GPM6A: variants seen among roughly 807,000 people sequenced by gnomAD.
GPM6A encodes glycoprotein M6A.
In GPM6A, 7 loss-of-function variants were observed where a neutral mutation model predicts 32.1. That is an observed-to-expected ratio of 0.22 (90% CI 0.12 to 0.41). The LOEUF (loss-of-function observed/expected upper bound fraction) is 0.41. Ranked by LOEUF, GPM6A falls within the 10% of genes least tolerant of loss-of-function variation. GPM6A has a pLI of 1.00. For missense variants in GPM6A, 235 were observed against 347.2 expected (o/e 0.68, Z 2.57); for synonymous variants, 130 against 123.4 (o/e 1.05, Z -0.35).
chr4:175,683,023 C>A (rs1247360595), intron 2 of GPM6A, among the ~76,000 whole-genome samples: 3 of 152,200 alleles, frequency 2.0e-5, no homozygotes, highest in Non-Finnish European at 4.4e-5. Context: ...TGGTAGCTTG[C>A]ACTCTGTGCC....
At chr4:175,743,278 A>T (rs1283086099) in intron 1 of GPM6A, among the ~76,000 whole-genome samples, 1 of 152,126 alleles carries the variant, frequency 6.6e-6, no homozygotes, top group African/African-American at 2.4e-5. Context: ...AGACAGAGTT[A>T]AAGTAGTGTA....
At chr4:175,644,399 T>C (rs1741335774) in intron 4 of GPM6A, among the ~76,000 whole-genome samples, 1 of 152,040 alleles carries the variant, frequency 6.6e-6, no homozygotes. Flanking sequence ...CTAACATCAT[T>C]ACTGAACCTC....
intron 3 of GPM6A, among the ~76,000 whole-genome samples, chr4:175,661,976 A>G (rs1244525350): frequency 6.6e-6 from 1 of 152,198 alleles, no homozygotes; most frequent in African/African-American, 2.4e-5. Context: ...TGGCACATTC[A>G]ATAGAAATAA....
chr4:175,900,333 GAAA>G (rs1737922359), intron 1 of GPM6A, among the ~76,000 whole-genome samples: 6 of 140,938 alleles, frequency 4.3e-5, no homozygotes, highest in Non-Finnish European at 7.7e-5. Flanking sequence ...GAAAGGAAAG[GAAA>G]GGAAAGGAAA....
At chr4:175,848,619 T>C (rs1736160445) in intron 1 of GPM6A, among the ~76,000 whole-genome samples, 1 of 152,176 alleles carries the variant, frequency 6.6e-6, no homozygotes, top group Admixed American at 6.6e-5. Flanking sequence ...TAACTGGTAA[T>C]TTTGGAAAAT....
chr4:175,862,878 G>T (rs570053341), intron 1 of GPM6A, among the ~76,000 whole-genome samples: 1 of 151,972 alleles, frequency 6.6e-6, no homozygotes, highest in Admixed American at 6.6e-5. Flanking sequence ...TTGCGAATAG[G>T]GTCATCTCAG....
chr4:175,815,908 G>T (rs569192384), upstream of GPM6A, among the ~76,000 whole-genome samples: 1 of 151,974 alleles, frequency 6.6e-6, no homozygotes, highest in African/African-American at 2.4e-5. Flanking sequence ...GCAGAGACGG[G>T]GTTTCTCCAT....
chr4:175,651,279 T>C (rs73875104), intron 4 of GPM6A, among the ~76,000 whole-genome samples: 7,289 of 152,156 alleles, frequency 0.048, 198 homozygotes, highest in Non-Finnish European at 0.061. Context: ...ATGTGGTAAA[T>C]CCATATACAT....
At chr4:175,702,640 A>G (rs539154058) in intron 1 of GPM6A, among the ~76,000 whole-genome samples, 15 of 152,148 alleles carry the variant, frequency 9.9e-5, no homozygotes, top group African/African-American at 3.4e-4. Context: ...TTAGCCTCCC[A>G]AGTAGCTAGA....
At chr4:175,683,834 A>G (rs912424576) in intron 2 of GPM6A, among the ~76,000 whole-genome samples, 1 of 150,758 alleles carries the variant, frequency 6.6e-6, no homozygotes, top group African/African-American at 2.4e-5. Context: ...ATATACATAT[A>G]CTTTTTTTTT....
intron 1 of GPM6A, among the ~76,000 whole-genome samples, chr4:175,782,962 A>G (rs1428164893): frequency 6.6e-6 from 1 of 152,000 alleles, no homozygotes; most frequent in Non-Finnish European, 1.5e-5. Context: ...AAATCTGAAA[A>G]AAAATTTATT....
chr4:175,830,143 G>A (rs1372504716), intron 1 of GPM6A, among the ~76,000 whole-genome samples: 5 of 152,068 alleles, frequency 3.3e-5, no homozygotes, highest in Admixed American at 1.3e-4. Context: ...GAGAGGTGGG[G>A]GCATGAGAAT....
intron 1 of GPM6A, among the ~76,000 whole-genome samples, chr4:175,865,975 G>A (rs1364051531): frequency 1.3e-5 from 2 of 152,016 alleles, no homozygotes; most frequent in Non-Finnish European, 2.9e-5. Context: ...ATTTTTAATT[G>A]AAAACTCAAT....
At chr4:175,696,614 A>G (rs1560880907) in intron 2 of GPM6A, among the ~76,000 whole-genome samples, 1 of 152,204 alleles carries the variant, frequency 6.6e-6, no homozygotes, top group Non-Finnish European at 1.5e-5. Context: ...AGAATAATCA[A>G]TAATCATACA....
chr4:175,634,630 G>A lies in GPM6A; in HGVS notation c.*275C>T, dbSNP rs1740473369. The A allele has an allele frequency of 3.1e-6, 1 of 327,296 alleles. No individual in the cohort carries two copies. The highest frequency in any genetic ancestry group is 5.6e-6 in the Non-Finnish European group (1 of 179,960). The allele number at this position is 327,296 out of a possible 1,614,324, so 20.3% of individuals were successfully genotyped here. On this transcript the variant is annotated 3_prime_UTR_variant, in exon 7 of 7. Transcript: ENST00000393658. ...CAAATCTTTGCATTTGACAATGTTA[G>A]TATCTTTGATTTTACAGAACTAGTA...
At chr4:175,707,334 T>A (rs1350519110) in intron 1 of GPM6A, among the ~76,000 whole-genome samples, 1 of 152,202 alleles carries the variant, frequency 6.6e-6, no homozygotes, top group East Asian at 1.9e-4. Flanking sequence ...TTATAGTATG[T>A]TTTGATTTGT....
At chr4:175,922,134 A>T (rs985999862) in intron 1 of GPM6A, among the ~76,000 whole-genome samples, 6 of 152,216 alleles carry the variant, frequency 3.9e-5, no homozygotes, top group African/African-American at 1.2e-4. Context: ...ATACATCAGG[A>T]TTAATGTGAA....
intron 1 of GPM6A, among the ~76,000 whole-genome samples, chr4:175,874,698 A>G (rs1186523112): frequency 6.6e-6 from 1 of 152,188 alleles, no homozygotes; most frequent in Non-Finnish European, 1.5e-5. Context: ...ACTGAAGACG[A>G]GAAAGGAAGT....
upstream of GPM6A, among the ~76,000 whole-genome samples, chr4:175,814,983 C>A (rs981299492): frequency 1.3e-5 from 2 of 152,064 alleles, no homozygotes; most frequent in Non-Finnish European, 2.9e-5. Flanking sequence ...CCCCTTCCTC[C>A]TGTTTGATGG....
Sources: allele counts gnomAD v4.1 joint callset (sites outside exome capture counted in the v4.1 genomes callset), GRCh38; gene constraint gnomAD v4.1.1; transcripts MANE v1.5; gene names NCBI Gene and HGNC (gene_info 2026-07-23, HGNC 2026-07-21).